Variants in CPHXL2 observed in about 807,000 individuals in gnomAD.
CPHXL2 encodes the protein cytoplasmic polyadenylated homeobox-like protein 2.
the CPHXL2 span, among the ~76,000 whole-genome samples, chr16:75,670,256 T>C: frequency 6.6e-6 from 1 of 152,200 alleles, no homozygotes; most frequent in Non-Finnish European, 1.5e-5. Context: ...GAAGAATATT[T>C]TATTATTTCA....
chr16:75,671,275 G>A, the CPHXL2 span, among the ~76,000 whole-genome samples: 44 of 150,748 alleles, frequency 2.9e-4, no homozygotes, highest in African/African-American at 8.6e-4. Flanking sequence ...TGGGAGCATC[G>A]CTTGAGCCTG....
the CPHXL2 span, among the ~76,000 whole-genome samples, chr16:75,676,362 C>T: frequency 2.6e-5 from 4 of 152,178 alleles, no homozygotes; most frequent in South Asian, 4.1e-4. Context: ...CTCACTCTGT[C>T]ACCCAGGCTG....
the CPHXL2 span, among the ~76,000 whole-genome samples, chr16:75,665,528 CT>C: frequency 6.6e-6 from 1 of 152,168 alleles, no homozygotes; most frequent in Admixed American, 6.6e-5. Context: ...AAAACATAGC[CT>C]TTTAAAGCAT....
At chr16:75,674,377 A>G in the CPHXL2 span, among the ~76,000 whole-genome samples, 1 of 150,842 alleles carries the variant, frequency 6.6e-6, no homozygotes, top group African/African-American at 2.4e-5. Flanking sequence ...CGTCTCAAAA[A>G]AAAAAAAAAA....
At chr16:75,664,704 G>A in the CPHXL2 span, among the ~76,000 whole-genome samples, 7 of 152,028 alleles carry the variant, frequency 4.6e-5, no homozygotes, top group Non-Finnish European at 1.0e-4. Context: ...GCACTGAGAG[G>A]TGAGGCCTTA....
At chr16:75,660,628 G>T in the CPHXL2 span, 2 of 398,512 alleles carry the variant, frequency 5.0e-6, no homozygotes, top group Non-Finnish European at 8.8e-6. Context: ...TGTTCTTGCA[G>T]CAGTGAGAGA....
chr16:75,673,306 A>G, the CPHXL2 span, among the ~76,000 whole-genome samples: 1 of 151,520 alleles, frequency 6.6e-6, no homozygotes, highest in Admixed American at 6.6e-5. Context: ...ATGGAGGCAC[A>G]TGCCTGTGGT....
the CPHXL2 span, chr16:75,660,738 C>T: frequency 5.0e-6 from 2 of 398,648 alleles, no homozygotes; most frequent in Non-Finnish European, 8.8e-6. Context: ...GGTTTCAGTC[C>T]TTTCTCCATG....
the CPHXL2 span, among the ~76,000 whole-genome samples, chr16:75,674,350 G>C: frequency 7.4e-6 from 1 of 134,618 alleles, no homozygotes; most frequent in South Asian, 2.4e-4. Context: ...TCCAGCCTGG[G>C]TGACAGAGCG....
At chr16:75,665,120 C>T in the CPHXL2 span, among the ~76,000 whole-genome samples, 27 of 152,282 alleles carry the variant, frequency 1.8e-4, no homozygotes, top group African/African-American at 6.5e-4. Context: ...TTTCATATAT[C>T]ACAAGCTCAA....
chr16:75,668,463 G>A, the CPHXL2 span, among the ~76,000 whole-genome samples: 3 of 152,026 alleles, frequency 2.0e-5, no homozygotes, highest in African/African-American at 4.8e-5. Context: ...TCCTGACCTC[G>A]TGATTCGCCC....
the CPHXL2 span, among the ~76,000 whole-genome samples, chr16:75,670,916 C>G: frequency 6.6e-6 from 1 of 152,032 alleles, no homozygotes; most frequent in Admixed American, 6.6e-5. Flanking sequence ...ATGTCAGTCT[C>G]TTTGCTTGTC....
the CPHXL2 span, among the ~76,000 whole-genome samples, chr16:75,669,008 A>G: frequency 6.6e-6 from 1 of 152,032 alleles, no homozygotes; most frequent in Non-Finnish European, 1.5e-5. Flanking sequence ...ATCTATACTT[A>G]TTGCCCTTTA....
chr16:75,669,080 C>T, the CPHXL2 span, among the ~76,000 whole-genome samples: 4 of 151,990 alleles, frequency 2.6e-5, no homozygotes, highest in Non-Finnish European at 4.4e-5. Flanking sequence ...TTTGGGAGGC[C>T]GAGATGGGTG....
At chr16:75,673,814 A>C in the CPHXL2 span, among the ~76,000 whole-genome samples, 1 of 151,382 alleles carries the variant, frequency 6.6e-6, no homozygotes, top group Non-Finnish European at 1.5e-5. Flanking sequence ...CCCTGTCTCT[A>C]CCAAAAATAC....
the CPHXL2 span, among the ~76,000 whole-genome samples, chr16:75,666,861 C>T: frequency 2.0e-5 from 3 of 152,020 alleles, no homozygotes; most frequent in South Asian, 6.2e-4. Context: ...TTTAAGAAAA[C>T]TGAAATTATA....
At chr16:75,669,350 A>C in the CPHXL2 span, 1 of 400,176 alleles carries the variant, frequency 2.5e-6, no homozygotes, top group Non-Finnish European at 4.4e-6. Context: ...CATGCATACG[A>C]GGTTGAACTT....
chr16:75,664,415 C>T, the CPHXL2 span, among the ~76,000 whole-genome samples: 3 of 151,990 alleles, frequency 2.0e-5, no homozygotes, highest in East Asian at 1.9e-4. Flanking sequence ...CACCTGAGGT[C>T]GGGAGTTTGA....
At chr16:75,669,021 T>C in the CPHXL2 span, among the ~76,000 whole-genome samples, 3 of 152,148 alleles carry the variant, frequency 2.0e-5, no homozygotes, top group African/African-American at 7.2e-5. Context: ...GCCCTTTAAT[T>C]TTCTAGGAAA....
Sources: allele counts gnomAD v4.1 joint callset (sites outside exome capture counted in the v4.1 genomes callset), GRCh38; gene constraint gnomAD v4.1.1; transcripts MANE v1.5; gene names NCBI Gene and HGNC (gene_info 2026-07-23, HGNC 2026-07-21).